Variants in PAPLN observed in about 807,000 individuals in gnomAD.
PAPLN encodes papilin.
A neutral mutation model predicts 159.0 loss-of-function variants in PAPLN; 146 were observed. That is an observed-to-expected ratio of 0.92 (90% CI 0.80 to 1.05). PAPLN has a LOEUF of 1.05. Ranked by LOEUF, PAPLN falls within the 50% of genes least tolerant of loss-of-function variation. The probability of loss-of-function intolerance (pLI) is 0.00; values close to 1 mark genes in which losing one functional copy is unlikely to be tolerated. For synonymous variants in PAPLN, 734 were observed against 702.9 expected, an observed-to-expected ratio of 1.04 and a Z score of -0.70; for missense variants, 1,720 against 1,743.9, an observed-to-expected ratio of 0.99 and a Z score of 0.24.
rs941203083 is a variant in PAPLN at position 73,263,122 on chromosome 14, T to C, written c.2723+295T>C. 18 of 377,346 alleles carry C rather than the reference T, an allele frequency of 4.8e-5. No homozygotes were observed. The East Asian group carries it at 7.1e-4, about 15-fold the overall frequency. 23.4% of individuals were successfully genotyped at this position (377,346 alleles called of 1,614,324 possible). A position where few individuals can be genotyped will look rare whatever the true frequency, so the allele number is the denominator to read the frequency against. ...GGCCTGTCTGGCTGGAAAAGTTTAT[T>C]GGCTTCGTGACCTTTGGCAAGTCAC... On this transcript the variant is annotated intron_variant, in intron 19 of 26. Coordinates refer to ENST00000644200, the MANE Select transcript of PAPLN (RefSeq NM_001365906.3).
chr14:73,267,305 T>C (rs1407485605), intron 25 of PAPLN, among the ~76,000 whole-genome samples: 2 of 152,164 alleles, frequency 1.3e-5, no homozygotes, highest in Admixed American at 6.5e-5. Flanking sequence ...CCTAGATCAA[T>C]TGGTTTTATA....
At position 73,254,588 on chromosome 14, in the gene PAPLN, A is replaced by T. The variant is rs779452907; in HGVS notation, c.1378A>T (p.Thr460Ser). 8 of 1,613,994 alleles carry T rather than the reference A, an allele frequency of 5.0e-6. No homozygotes were observed. Among genetic ancestry groups the T allele is most frequent in the Non-Finnish European group, 6.8e-6 (8 of 1,179,922 alleles). The change falls in exon 13 of 27, where the codon ACC (threonine) becomes TCC (serine). Residue 460 changes from threonine to serine, a missense_variant. Coordinates refer to ENST00000644200, the MANE Select transcript of PAPLN (RefSeq NM_001365906.3). ...CRGERGSLLH[T>S]AACSLEDRPP... ...GGGTGAAAGGGGTTCTTTGCTCCAT[A>T]CCGCAGCGTGCTCCTTGGAAGACCG...
At chr14:73,269,446 T>C (rs1476205195) in intron 26 of PAPLN, among the ~76,000 whole-genome samples, 1 of 152,240 alleles carries the variant, frequency 6.6e-6, no homozygotes, top group Admixed American at 6.5e-5. Flanking sequence ...AGATGCATTA[T>C]TTTTGTACCA....
At position 73,245,511 on chromosome 14, in the gene PAPLN, G is replaced by A; in HGVS notation, c.171-125G>A. On this transcript the variant is annotated intron_variant, in intron 3 of 26. Transcript: ENST00000644200. The surrounding 1 kb of genome is among the most constrained non-coding windows in gnomAD (Gnocchi z 4.2). ...GGGGATTTACGGGGTGGGGTCGGGG[G>A]ACACCCTCTCACCTTGCTGCTCCCA... 9.4e-7 allele frequency: 1 copy of A among 1,059,770 alleles called. No individual in the cohort carries two copies. Among genetic ancestry groups the A allele is most frequent in the Non-Finnish European group, 1.4e-6 (1 of 738,514 alleles). The allele number at this position is 1,059,770 out of a possible 1,614,324, so 65.6% of individuals were successfully genotyped here. A position where few individuals can be genotyped will look rare whatever the true frequency, so the allele number is the denominator to read the frequency against.
chr14:73,253,600 G>T (rs1043570669), intron 11 of PAPLN, among the ~76,000 whole-genome samples, 154 bp from the exon 12 acceptor site: 2 of 152,194 alleles, frequency 1.3e-5, no homozygotes, highest in African/African-American at 4.8e-5. Flanking sequence ...GCTAAGGAGC[G>T]CCTGGGTCGT....
intron 21 of PAPLN, 109 bp downstream of exon 21, chr14:73,264,444 C>T: frequency 6.6e-7 from 1 of 1,526,156 alleles, no homozygotes; most frequent in Non-Finnish European, 8.8e-7. Context: ...CCCAGGGTGT[C>T]TCTCTGAGTC....
In PAPLN at chr14:73,265,659, AG is replaced by A. The variant is rs1290326036; in HGVS notation, c.3263+155del. 1 of 1,186,610 alleles carries A rather than the reference AG, an allele frequency of 8.4e-7. No homozygotes were observed. The highest frequency in any genetic ancestry group is 1.2e-6 in the Non-Finnish European group (1 of 865,442). 73.5% of individuals were successfully genotyped at this position (1,186,610 alleles called of 1,614,324 possible). A position where few individuals can be genotyped will look rare whatever the true frequency, so the allele number is the denominator to read the frequency against. ...CTTGAGAGATGGAGCAGCTGGGCAA[AG>A]GGCTCCTTGGGTTGGCTAACATTTG... On this transcript the variant is annotated intron_variant, in intron 23 of 26. Coordinates refer to ENST00000644200, the MANE Select transcript of PAPLN (RefSeq NM_001365906.3). The surrounding 1 kb of genome is among the most constrained non-coding windows in gnomAD (Gnocchi z 4.1).
In PAPLN at chr14:73,263,691, G is replaced by A. The variant is rs767055212; in HGVS notation, c.2770G>A (p.Gly924Arg). 11 of 1,613,336 alleles carry A rather than the reference G, an allele frequency of 6.8e-6. No individual in the cohort carries two copies. Among genetic ancestry groups the A allele is most frequent in the African/African-American group, 2.7e-5 (2 of 74,920 alleles). The change falls in exon 20 of 27, where the codon GGG becomes AGG. Residue 924 changes from glycine (G) to arginine (R), a missense_variant. Transcript: ENST00000644200. ...GCCCTCGTTGGTGCAGGCAGCCCTG[G>A]GGCAGTTGGTGCGGCTCTCCTGCTC... The part of the protein sequence containing the change: ...VEPSLVQAAL[G>R]QLVRLSCSDD...
At chr14:73,254,062 T>A in intron 12 of PAPLN, 101 bp downstream of exon 12, 2 of 1,299,908 alleles carry the variant, frequency 1.5e-6, no homozygotes, top group Non-Finnish European at 2.1e-6. Context: ...TCCTGGGAGG[T>A]AAAATAACCG....
chr14:73,262,741 A>C lies in PAPLN; in HGVS notation c.2637A>C (p.Pro879=). The C allele has an allele frequency of 2.0e-6, 3 of 1,513,110 alleles. 1 individual carries two copies. The South Asian group carries it at 4.1e-5, about 21-fold the overall frequency. The allele number at this position is 1,513,110 out of a possible 1,614,324, so 93.7% of individuals were successfully genotyped here. A position where few individuals can be genotyped will look rare whatever the true frequency, so the allele number is the denominator to read the frequency against. Residue 879 remains proline, a synonymous_variant, in exon 19 of 27, where the codon CCA becomes CCC. Coordinates refer to ENST00000644200, the MANE Select transcript of PAPLN (RefSeq NM_001365906.3). ...ACACCCAGGCCTTTGGAGAATGGCC[A>C]TGGGGGCAGGAGCTTGGGTCCAGGG... The part of the protein sequence containing the change: ...APHTQAFGEW[P]WGQELGSRAP...
rs531576112 is a variant in PAPLN, at chr14:73,262,897, C to T, written c.2723+70C>T. 8 of 1,300,886 alleles carry T rather than the reference C, an allele frequency of 6.1e-6. No homozygotes were observed. The East Asian group carries it at 8.6e-5, about 14-fold the overall frequency. 80.6% of individuals were successfully genotyped at this position (1,300,886 alleles called of 1,614,324 possible). On this transcript the variant is annotated intron_variant, in intron 19 of 26. Coordinates refer to ENST00000644200, the MANE Select transcript of PAPLN (RefSeq NM_001365906.3). ...AAGGAGCATGCCAGTTGGAGCTAAA[C>T]CCCTGAAGTCAGCCGGCCCTCCCTC...
In PAPLN at chr14:73,272,622, C is replaced by T. The variant is rs1208105842; in HGVS notation, c.3795C>T (p.Ser1265=). 1.9e-6 allele frequency: 3 copies of T among 1,594,426 alleles called. No homozygotes were observed. Among genetic ancestry groups the T allele is most frequent in the Admixed American group, 1.7e-5 (1 of 59,606 alleles). Residue 1265 remains serine, a synonymous_variant, in exon 27 of 27, where the codon AGC becomes AGT. Transcript: ENST00000644200. ...ATTACTCCAGCTTCTGCTGTGCCAG[C>T]TGTTCACGTTTCCAGCCTCACGCTC... ...NEYYSSFCCA[S]CSRFQPHAQP...
intron 20 of PAPLN, 112 bp downstream of exon 20, chr14:73,263,894 T>TCTGACAGGTGTGTGTGACGGCCCCCCGA: frequency 1.1e-6 from 1 of 910,794 alleles, no homozygotes; most frequent in Non-Finnish European, 1.5e-6. Flanking sequence ...ACAGACCCCC[T>TCTGACAGGTGTGTGTGACGGCCCCCCGA]CCTCCTTTGA....
chr14:73,257,753 C>CTTTTTTTTTTTTTTTTTTTTTTTTTTTT (rs562890068), intron 14 of PAPLN, among the ~76,000 whole-genome samples: 6 of 91,256 alleles, frequency 6.6e-5, no homozygotes, highest in Non-Finnish European at 1.0e-4. Flanking sequence ...TCTCTTTCTT[C>CTTTTTTTTTTTTTTTTTTTTTTTTTTTT]TTTTTTTTTT....
intron 20 of PAPLN, 136 bp downstream of exon 20, chr14:73,263,918 C>T: frequency 2.6e-6 from 3 of 1,144,408 alleles, no homozygotes; most frequent in Non-Finnish European, 3.7e-6. Flanking sequence ...GTGTGTGTGA[C>T]AGCCCCCCTA....
chr14:73,263,094 C>A (rs184694212), intron 19 of PAPLN: 160 of 402,086 alleles, frequency 4.0e-4, no homozygotes, highest in African/African-American at 2.8e-3. Flanking sequence ...CAGTATACCC[C>A]GGGGCCTGTC....
At chr14:73,239,445 T>C (rs1157295043) in intron 1 of PAPLN, among the ~76,000 whole-genome samples, 2 of 152,248 alleles carry the variant, frequency 1.3e-5, no homozygotes, top group Admixed American at 1.3e-4. Context: ...TGAGTCTAAT[T>C]ACTCGGATTC....
rs1594829314 is a variant in PAPLN at position 73,265,282 on chromosome 14, G to A, written c.3126-88G>A. On this transcript the variant is annotated intron_variant, in intron 22 of 26. Coordinates refer to ENST00000644200, the MANE Select transcript of PAPLN (RefSeq NM_001365906.3). This position sits in a 1 kb window ranked among gnomAD's most constrained non-coding sequence, Gnocchi z 4.1. ...CTGAATCTGGCTGGAGAGGGAGAAG[G>A]GGCCACCAGGCTTGTGCAGAGGTGC... 6.6e-7 allele frequency: 1 copy of A among 1,523,874 alleles called. No individual in the cohort carries two copies. The highest frequency in any genetic ancestry group is 2.3e-5 in the East Asian group (1 of 43,736). 94.4% of individuals were successfully genotyped at this position (1,523,874 alleles called of 1,614,324 possible).
chr14:73,259,204 G>A lies in PAPLN; in HGVS notation c.1709-65G>A, dbSNP rs1007441406. 4.6e-5 allele frequency: 70 copies of A among 1,525,380 alleles called. 1 individual carries two copies. Among genetic ancestry groups the A allele is most frequent in the Admixed American group, 3.5e-4 (17 of 48,438 alleles). The allele number at this position is 1,525,380 out of a possible 1,614,324, so 94.5% of individuals were successfully genotyped here. ...GGGGACGGAGGAAGGTGGGTCCAACGTGGACAGGGGTGGAGGGGAGGAGCC... is the reference window on the plus strand; with the variant it reads ...GGGGACGGAGGAAGGTGGGTCCAACATGGACAGGGGTGGAGGGGAGGAGCC... On this transcript the variant is annotated intron_variant, in intron 15 of 26. Coordinates refer to ENST00000644200, the MANE Select transcript of PAPLN (RefSeq NM_001365906.3).
Sources: allele counts gnomAD v4.1 joint callset (sites outside exome capture counted in the v4.1 genomes callset), GRCh38; gene constraint gnomAD v4.1.1; non-coding constraint Gnocchi (gnomAD v3.1); transcripts MANE v1.5; gene names NCBI Gene and HGNC (gene_info 2026-07-23, HGNC 2026-07-21).